Variants in ADGRL3 observed in about 807,000 individuals in gnomAD.
ADGRL3 encodes the protein calcium-independent alpha-latrotoxin receptor 3.
A neutral mutation model predicts 153.5 loss-of-function variants in ADGRL3; 62 were observed. The observed-to-expected ratio is 0.40, with a 90% CI of 0.33 to 0.50. The LOEUF is 0.50. Ranked by LOEUF, ADGRL3 falls within the 20% of genes least tolerant of loss-of-function variation. ADGRL3 has a pLI of 0.47. For synonymous variants in ADGRL3, 710 were observed against 672.5 expected (o/e 1.06, Z -0.86); for missense variants, 1,641 against 1,859.4 (o/e 0.88, Z 2.16).
At chr4:61,806,820 A>G (rs1189597563) in intron 8 of ADGRL3, among the ~76,000 whole-genome samples, 3 of 152,102 alleles carry the variant, frequency 2.0e-5, no homozygotes. Context: ...GTACTATATA[A>G]TACGATGAAT....
intron 3 of ADGRL3, among the ~76,000 whole-genome samples, chr4:61,500,242 T>C (rs2098372288): frequency 6.6e-6 from 1 of 152,298 alleles, no homozygotes; most frequent in South Asian, 2.1e-4. Flanking sequence ...CAAAACAATA[T>C]AGAAGCTTTT....
At chr4:61,220,635 C>CT (rs147627741) in intron 1 of ADGRL3, among the ~76,000 whole-genome samples, 9,827 of 152,146 alleles carry the variant, frequency 0.065, 804 homozygotes, top group African/African-American at 0.19. Context: ...AAGCCATTTC[C>CT]TTTTTTTCCC....
chr4:61,452,233 G>A (rs549789943), intron 2 of ADGRL3, among the ~76,000 whole-genome samples: 14 of 152,174 alleles, frequency 9.2e-5, no homozygotes, highest in Middle Eastern at 3.4e-3. Context: ...ACCTCATTCC[G>A]GGACTGCTCT....
intron 8 of ADGRL3, chr4:61,775,874 G>A (rs1334576137): frequency 1.7e-5 from 7 of 416,798 alleles, no homozygotes; most frequent in African/African-American, 8.4e-5. Flanking sequence ...CGGTGAAGAC[G>A]AATCTTGTTT....
intron 1 of ADGRL3, among the ~76,000 whole-genome samples, chr4:61,286,257 G>A (rs944491814): frequency 2.5e-4 from 37 of 150,218 alleles, no homozygotes; most frequent in African/African-American, 9.0e-4. Flanking sequence ...TAATTCACAT[G>A]GGTTACCTGC....
intron 1 of ADGRL3, among the ~76,000 whole-genome samples, chr4:61,239,990 A>G (rs1324548958): frequency 6.6e-6 from 1 of 151,952 alleles, no homozygotes; most frequent in Non-Finnish European, 1.5e-5. Flanking sequence ...CCTCATTGGG[A>G]TTGTCTTAGT....
chr4:61,974,656 T>C lies in ADGRL3; in HGVS notation c.2806-4907T>C, dbSNP rs1430945434. 5.3e-5 allele frequency among the ~76,000 whole-genome samples: 8 copies of C among 152,326 alleles called. No homozygotes were observed. In the East Asian group the frequency reaches 1.5e-3, roughly 29 times the overall value. On this transcript the variant is annotated intron_variant, in intron 17 of 26. Coordinates refer to ENST00000683033, the MANE Select transcript of ADGRL3 (RefSeq NM_001387552.1). ...TGATACTTGAAGAGATTAAGTACTT[T>C]GTTAAAAGTAACAATGACTAAATTG...
intron 4 of ADGRL3, among the ~76,000 whole-genome samples, chr4:61,566,582 T>C (rs964018338): frequency 2.6e-5 from 4 of 152,152 alleles, no homozygotes; most frequent in African/African-American, 9.7e-5. Flanking sequence ...GTATCTGTGG[T>C]ATGTATGGGA....
At chr4:61,893,282 G>A (rs2098603026) in intron 10 of ADGRL3, among the ~76,000 whole-genome samples, 1 of 151,958 alleles carries the variant, frequency 6.6e-6, no homozygotes, top group African/African-American at 2.4e-5. Context: ...TTAAGTCACA[G>A]GTAACCTGTG....
At chr4:61,598,815 A>G (rs529721161) in intron 5 of ADGRL3, among the ~76,000 whole-genome samples, 3 of 152,168 alleles carry the variant, frequency 2.0e-5, no homozygotes, top group Non-Finnish European at 4.4e-5. Flanking sequence ...AAATGACTAT[A>G]TTTTATCCAT....
chr4:61,786,276 A>G (rs747533743), intron 8 of ADGRL3, among the ~76,000 whole-genome samples: 8 of 152,284 alleles, frequency 5.3e-5, no homozygotes, highest in Non-Finnish European at 7.4e-5. Flanking sequence ...AGTTTGTAGC[A>G]TTTAGTCAAT....
chr4:62,058,366 T>A (rs554745956), intron 25 of ADGRL3, among the ~76,000 whole-genome samples: 55 of 152,284 alleles, frequency 3.6e-4, no homozygotes, highest in Admixed American at 7.2e-4. Flanking sequence ...TTGACACTCT[T>A]AAAAAATTTA....
chr4:61,702,711 C>A (rs2095789811), intron 6 of ADGRL3, among the ~76,000 whole-genome samples: 1 of 152,128 alleles, frequency 6.6e-6, no homozygotes, highest in Non-Finnish European at 1.5e-5. Context: ...ACCTGGGAAT[C>A]CCTTTGGGTA....
chr4:61,456,015 C>T (rs2097731342), intron 2 of ADGRL3, among the ~76,000 whole-genome samples: 1 of 151,804 alleles, frequency 6.6e-6, no homozygotes, highest in Admixed American at 6.6e-5. Context: ...GGGGTTTCTC[C>T]ACGTTGGCCA....
At chr4:61,958,377 G>GTTTCTTTC (rs3065141) in intron 17 of ADGRL3, among the ~76,000 whole-genome samples, 12,334 of 147,994 alleles carry the variant, frequency 0.083, 556 homozygotes, top group South Asian at 0.11. Context: ...TGTTGTAAAG[G>GTTTCTTTC]TTTCTTTCTT....
intron 17 of ADGRL3, among the ~76,000 whole-genome samples, chr4:61,962,106 G>A (rs938523312): frequency 2.6e-5 from 4 of 151,906 alleles, no homozygotes; most frequent in South Asian, 2.1e-4. Context: ...AGGCATGGTG[G>A]TATGGGCCTA....
At chr4:61,819,490 T>A (rs938335790) in intron 9 of ADGRL3, among the ~76,000 whole-genome samples, 1 of 152,118 alleles carries the variant, frequency 6.6e-6, no homozygotes, top group Non-Finnish European at 1.5e-5. Context: ...TTTTTCTTTC[T>A]CTTCCTGAAG....
intron 2 of ADGRL3, among the ~76,000 whole-genome samples, chr4:61,414,713 A>T (rs77874669): frequency 0.011 from 1,698 of 151,840 alleles, 11 homozygotes; most frequent in Non-Finnish European, 0.019. Context: ...AAAGAGGTAT[A>T]TTTCTGGTTA....
In ADGRL3 at chr4:61,807,532, T is replaced by A. The variant is rs886079497; in HGVS notation, c.1400-6277T>A. 4.6e-5 allele frequency among the ~76,000 whole-genome samples: 7 copies of A among 152,136 alleles called. No homozygotes were observed. The East Asian group carries it at 1.3e-3, about 29-fold the overall frequency. Reference sequence around the variant, plus strand: ...TGTATCTGTGAGTACTTGAAATTTATCATAAATATAAAGCATTTCTCACGC... The same window carrying A: ...TGTATCTGTGAGTACTTGAAATTTAACATAAATATAAAGCATTTCTCACGC... On this transcript the variant is annotated intron_variant, in intron 8 of 26. Transcript: ENST00000683033.
Sources: allele counts gnomAD v4.1 joint callset (sites outside exome capture counted in the v4.1 genomes callset), GRCh38; gene constraint gnomAD v4.1.1; transcripts MANE v1.5; gene names NCBI Gene and HGNC (gene_info 2026-07-23, HGNC 2026-07-21).